The following ERO1B variants were observed in gnomAD, a reference collection of about 807,000 sequenced individuals.
ERO1B encodes the protein ERO1-like protein beta.
ERO1B carries 49 observed loss-of-function variants against 75.3 expected under a neutral mutation model. That is an observed-to-expected ratio of 0.65 (90% CI 0.52 to 0.83). ERO1B has a LOEUF of 0.83. Ranked by LOEUF, ERO1B falls within the 40% of genes least tolerant of loss-of-function variation. The pLI is 0.00. For missense variants in ERO1B, 512 were observed against 560.1 expected (o/e 0.91, Z 0.87); for synonymous variants, 191 against 192.9 (o/e 0.99, Z 0.08).
At chr1:236,257,939 C>G (rs536160489) in intron 2 of ERO1B, among the ~76,000 whole-genome samples, 1 of 150,514 alleles carries the variant, frequency 6.6e-6, no homozygotes, top group Admixed American at 6.6e-5. Context: ...TAGGATACCA[C>G]CAAGCAGAAT....
At chr1:236,260,532 G>T (rs1665270236) in intron 2 of ERO1B, among the ~76,000 whole-genome samples, 1 of 152,042 alleles carries the variant, frequency 6.6e-6, no homozygotes, top group African/African-American at 2.4e-5. Flanking sequence ...GGGTGTGGTG[G>T]CATGGGCCTA....
intron 5 of ERO1B, among the ~76,000 whole-genome samples, chr1:236,248,844 A>C (rs1403957217): frequency 2.6e-5 from 4 of 152,140 alleles, no homozygotes; most frequent in Non-Finnish European, 1.5e-5. Flanking sequence ...TTGTTCCTTA[A>C]AACATATGGC....
intron 10 of ERO1B, among the ~76,000 whole-genome samples, chr1:236,228,898 C>G (rs1664336078): frequency 6.6e-6 from 1 of 152,210 alleles, no homozygotes; most frequent in Admixed American, 6.5e-5. Flanking sequence ...ATATAATATA[C>G]ATAGAATCCA....
At chr1:236,277,888 C>T (rs1157628357) in intron 1 of ERO1B, among the ~76,000 whole-genome samples, 3 of 152,114 alleles carry the variant, frequency 2.0e-5, no homozygotes, top group Admixed American at 1.3e-4. Context: ...TTTTTGGCCA[C>T]TCTTTAAAAT....
At chr1:236,240,022 A>T (rs2102948579) in intron 6 of ERO1B, among the ~76,000 whole-genome samples, 1 of 150,346 alleles carries the variant, frequency 6.7e-6, no homozygotes, top group Middle Eastern at 3.4e-3. Context: ...CTCCTGCCTC[A>T]GCCTCCCATG....
rs1468304518 is a variant in ERO1B at position 236,252,732 on chromosome 1, G to A, written c.307-641C>T. On this transcript the variant is annotated intron_variant, in intron 3 of 15. Coordinates refer to ENST00000354619, the MANE Select transcript of ERO1B (RefSeq NM_019891.4). ...ACTTAATACATATTTTATTCTTAAA[G>A]GAAACTGAATATTATAAATTTTTAA... Among the ~76,000 whole-genome samples, 18 of 152,082 alleles carry A rather than the reference G, an allele frequency of 1.2e-4. 1 individual carries two copies. Among genetic ancestry groups the A allele is most frequent in the Admixed American group, 1.2e-3 (18 of 15,278 alleles).
chr1:236,275,786 A>T (rs1157880449), intron 1 of ERO1B, among the ~76,000 whole-genome samples: 1 of 152,236 alleles, frequency 6.6e-6, no homozygotes. Context: ...CTATGACTCA[A>T]ATTCCAAGGG....
intron 15 of ERO1B, among the ~76,000 whole-genome samples, chr1:236,218,813 G>A (rs2102935913): frequency 1.3e-5 from 2 of 152,248 alleles, no homozygotes; most frequent in Middle Eastern, 3.4e-3. Flanking sequence ...ACAGTGATAT[G>A]AATAATTCTT....
intron 6 of ERO1B, among the ~76,000 whole-genome samples, chr1:236,241,212 TAAAC>T (rs1278472315): frequency 3.9e-5 from 6 of 152,084 alleles, no homozygotes; most frequent in Non-Finnish European, 5.9e-5. Context: ...CAGCAATAAC[TAAAC>T]AATGATTCTA....
intron 10 of ERO1B, 74 bp from the exon 11 acceptor site, chr1:236,226,813 A>G (rs1664291197): frequency 9.7e-7 from 1 of 1,033,738 alleles, no homozygotes; most frequent in Non-Finnish European, 1.5e-6. Flanking sequence ...GAGGTTCAGT[A>G]TGTAGGCTTA....
intron 2 of ERO1B, among the ~76,000 whole-genome samples, chr1:236,256,522 T>G (rs925395715): frequency 2.1e-5 from 3 of 143,432 alleles, no homozygotes; most frequent in African/African-American, 7.5e-5. Context: ...AATCTCTCAA[T>G]GGAAGGAGGC....
rs1664014588 is a variant in ERO1B, at chr1:236,217,298, T to C, written c.*1218A>G. ...TGCTGACATTTAAAAAAAATCAAGATTTTAAATATTGTCTAAAGATTTTAA... is the reference window on the plus strand; with the variant it reads ...TGCTGACATTTAAAAAAAATCAAGACTTTAAATATTGTCTAAAGATTTTAA... On this transcript the variant is annotated 3_prime_UTR_variant, in exon 16 of 16. Transcript: ENST00000354619. The C allele has an allele frequency of 6.6e-6, 1 of 152,118 alleles. No individual in the cohort carries two copies. Among genetic ancestry groups the C allele is most frequent in the Non-Finnish European group, 1.5e-5 (1 of 67,982 alleles). 9.4% of individuals were successfully genotyped at this position (152,118 alleles called of 1,614,324 possible).
At chr1:236,259,455 G>A (rs537880233) in intron 2 of ERO1B, among the ~76,000 whole-genome samples, 7 of 152,198 alleles carry the variant, frequency 4.6e-5, no homozygotes, top group South Asian at 4.2e-4. Context: ...TAAAAGTGGC[G>A]AATGGATTAA....
At position 236,269,875 on chromosome 1, in the gene ERO1B, CT is replaced by C. The variant is rs1321720127; in HGVS notation, c.221del (p.Lys74ArgfsTer4). The stretch of plus-strand genomic sequence containing the variant: ...ACAGAATAAAAAATTACAACCTTAC[CT>C]TGTAATAACGAAAATAGTCTCTCTC... The part of the protein sequence containing the change: ...LQERDYFRYY[K>X]VNLKRPCPFW... On this transcript the variant is annotated frameshift_variant and splice_region_variant, in exon 2 of 16. Coordinates refer to ENST00000354619, the MANE Select transcript of ERO1B (RefSeq NM_019891.4). LOFTEE classifies it high-confidence loss of function. 1.3e-6 allele frequency: 2 copies of C among 1,583,066 alleles called. No individual in the cohort carries two copies. The highest frequency in any genetic ancestry group is 1.7e-6 in the Non-Finnish European group (2 of 1,152,790).
At position 236,236,418 on chromosome 1, in the gene ERO1B, TA is replaced by T. The variant is rs771178460; in HGVS notation, c.506-21del. On this transcript the variant is annotated intron_variant, in intron 6 of 15. Transcript: ENST00000354619. Reference sequence around the variant, plus strand: ...TCTCATCTGAACAAGAAAAAATTCATAAAAACCATCCATATTTCACCATTTA... The same window carrying T: ...TCTCATCTGAACAAGAAAAAATTCATAAAACCATCCATATTTCACCATTTA... The T allele has an allele frequency of 2.5e-6, 4 of 1,612,064 alleles. No individual in the cohort carries two copies. Among genetic ancestry groups the T allele is most frequent in the Admixed American group, 1.7e-5 (1 of 59,878 alleles).
chr1:236,219,529 C>T (rs1179496739), intron 15 of ERO1B, among the ~76,000 whole-genome samples: 1 of 152,106 alleles, frequency 6.6e-6, no homozygotes, highest in Admixed American at 6.6e-5. Flanking sequence ...AAGTTATTTA[C>T]AATATTTTTC....
chr1:236,233,887 G>C (rs997178010), intron 8 of ERO1B, among the ~76,000 whole-genome samples: 3 of 152,146 alleles, frequency 2.0e-5, no homozygotes, highest in African/African-American at 7.2e-5. Flanking sequence ...TAGAGGTGAG[G>C]AAGAGGCCAG....
intron 4 of ERO1B, 106 bp from the exon 5 acceptor site, chr1:236,250,073 C>T (rs1408952964): frequency 5.2e-6 from 3 of 571,922 alleles, no homozygotes; most frequent in Non-Finnish European, 8.5e-6. Flanking sequence ...ACTAAATATA[C>T]ATACATTCCA....
intron 15 of ERO1B, 104 bp from the exon 16 acceptor site, chr1:236,218,680 A>C: frequency 2.0e-6 from 2 of 1,002,170 alleles, no homozygotes; most frequent in Non-Finnish European, 2.6e-6. Flanking sequence ...AAAACCTAAA[A>C]TAAAAAACCT....
Sources: gnomAD v4.1 joint callset for allele counts (sites outside exome capture counted in the v4.1 genomes callset) on GRCh38, gnomAD v4.1.1 for gene constraint, MANE v1.5 for transcripts, NCBI Gene and HGNC (gene_info 2026-07-23, HGNC 2026-07-21) for gene names.